CNTNAP5: variants seen among roughly 807,000 people sequenced by gnomAD.
The protein encoded by CNTNAP5 is contactin-associated protein-like 5.
Under a neutral mutation model 150.2 loss-of-function variants are expected in CNTNAP5, and 72 were observed. The observed-to-expected ratio is 0.48, with a 90% confidence interval of 0.40 to 0.58. CNTNAP5 has a LOEUF of 0.58. CNTNAP5 is among the 20% of genes least tolerant of loss of function. CNTNAP5 has a pLI of 0.00. For missense variants in CNTNAP5, 1,636 were observed against 1,626.2 expected (o/e 1.01, Z -0.10); for synonymous variants, 672 against 619.8 (o/e 1.08, Z -1.25).
At chr2:124,177,990 G>A (rs545374478) in intron 1 of CNTNAP5, among the ~76,000 whole-genome samples, 68 of 151,982 alleles carry the variant, frequency 4.5e-4, no homozygotes, top group Non-Finnish European at 7.2e-4. Flanking sequence ...GGGATTACAG[G>A]CACCCACAAC....
chr2:124,713,318 CCTTTCTT>C (rs1679868834), intron 13 of CNTNAP5, among the ~76,000 whole-genome samples: 27 of 43,962 alleles, frequency 6.1e-4, no homozygotes, highest in South Asian at 2.4e-3. Flanking sequence ...CTCTTTCTTT[CCTTTCTT>C]TCTTTCTTTC....
At chr2:124,159,477 C>T in intron 1 of CNTNAP5, among the ~76,000 whole-genome samples, 1 of 150,654 alleles carries the variant, frequency 6.6e-6, no homozygotes, top group South Asian at 2.1e-4. Context: ...CCAGATTTGG[C>T]CTGTGGGTCA....
At chr2:124,878,972 CA>C (rs1380291697) in intron 21 of CNTNAP5, among the ~76,000 whole-genome samples, 2 of 152,026 alleles carry the variant, frequency 1.3e-5, no homozygotes, top group Admixed American at 1.3e-4. Context: ...CATGAGCCAC[CA>C]CACCTGGCCA....
At chr2:124,080,248 T>G (rs1446456436) in intron 1 of CNTNAP5, among the ~76,000 whole-genome samples, 1 of 152,196 alleles carries the variant, frequency 6.6e-6, no homozygotes, top group Non-Finnish European at 1.5e-5. Flanking sequence ...ACTTAAACAA[T>G]GCAGGTCTTA....
At chr2:124,841,929 T>G (rs568176067) in intron 19 of CNTNAP5, among the ~76,000 whole-genome samples, 7 of 152,128 alleles carry the variant, frequency 4.6e-5, no homozygotes, top group African/African-American at 1.7e-4. Flanking sequence ...CATCTCTTTA[T>G]ACTGTCAGTA....
intron 8 of CNTNAP5, among the ~76,000 whole-genome samples, chr2:124,520,902 A>T: frequency 6.6e-6 from 1 of 152,184 alleles, no homozygotes. Context: ...TTTACCTTTA[A>T]GAGAGTATTT....
chr2:124,616,913 T>C (rs1449623206), intron 12 of CNTNAP5, among the ~76,000 whole-genome samples: 2 of 152,088 alleles, frequency 1.3e-5, no homozygotes, highest in Admixed American at 1.3e-4. Context: ...ATGGGTGCAG[T>C]TCATGATGCC....
chr2:124,834,591 G>A (rs548437558), intron 19 of CNTNAP5, among the ~76,000 whole-genome samples: 147 of 152,128 alleles, frequency 9.7e-4, no homozygotes, highest in African/African-American at 3.3e-3. Context: ...GACAGGGGCT[G>A]GTGTGGTGTG....
chr2:124,239,486 G>A (rs539501852), intron 2 of CNTNAP5, among the ~76,000 whole-genome samples: 1 of 152,196 alleles, frequency 6.6e-6, no homozygotes, highest in South Asian at 2.1e-4. Flanking sequence ...CTCCCAAATT[G>A]CTGTACATAT....
At chr2:124,029,949 G>A (rs1681000470) in intron 1 of CNTNAP5, among the ~76,000 whole-genome samples, 1 of 152,002 alleles carries the variant, frequency 6.6e-6, no homozygotes, top group African/African-American at 2.4e-5. Flanking sequence ...TCACTCAATA[G>A]GACTTTATTG....
intron 11 of CNTNAP5, among the ~76,000 whole-genome samples, chr2:124,582,632 T>C (rs1391434018): frequency 6.6e-6 from 1 of 152,136 alleles, no homozygotes; most frequent in African/African-American, 2.4e-5. Flanking sequence ...TCAGGCTCTG[T>C]GCACTGAGCT....
At chr2:124,064,537 C>T (rs1184750294) in intron 1 of CNTNAP5, among the ~76,000 whole-genome samples, 3 of 152,260 alleles carry the variant, frequency 2.0e-5, no homozygotes, top group East Asian at 1.9e-4. Flanking sequence ...AACTGGTCTC[C>T]TGCATCCATC....
At chr2:124,736,220 ACT>A (rs1361565617) in intron 13 of CNTNAP5, among the ~76,000 whole-genome samples, 4 of 152,102 alleles carry the variant, frequency 2.6e-5, no homozygotes, top group Admixed American at 1.3e-4. Context: ...ACAGAGAAAG[ACT>A]CTGTCTAAAC....
At position 124,726,087 on chromosome 2, in the gene CNTNAP5, A is replaced by C. The variant is rs569538337; in HGVS notation, c.2078-21142A>C. Among the ~76,000 whole-genome samples, 5 of 152,160 alleles carry C rather than the reference A, an allele frequency of 3.3e-5. No homozygotes were observed. The South Asian group carries it at 8.3e-4, about 25-fold the overall frequency. On this transcript the variant is annotated intron_variant, in intron 13 of 23. Coordinates refer to ENST00000682447, the MANE Select transcript of CNTNAP5 (RefSeq NM_001367498.1). ...ACAATACCAATTTACATTCCCACCA[A>C]GAGTGTACAAGTGTTCCATTTTCTC...
chr2:124,439,422 A>G (rs1692620118), intron 5 of CNTNAP5, among the ~76,000 whole-genome samples: 1 of 152,200 alleles, frequency 6.6e-6, no homozygotes, highest in Admixed American at 6.5e-5. Flanking sequence ...TATTAATTGG[A>G]AATAAAATAA....
chr2:124,892,497 CA>C (rs1678213741), intron 21 of CNTNAP5, among the ~76,000 whole-genome samples: 1 of 152,046 alleles, frequency 6.6e-6, no homozygotes, highest in East Asian at 1.9e-4. Context: ...AGAGACAAAA[CA>C]AGAAAGTATA....
chr2:124,437,725 A>G (rs1222954815), intron 5 of CNTNAP5, among the ~76,000 whole-genome samples: 1 of 152,106 alleles, frequency 6.6e-6, no homozygotes, highest in South Asian at 2.1e-4. Context: ...AACATCCATG[A>G]TCAGGATTGT....
At chr2:124,853,819 C>T (rs1009172875) in intron 19 of CNTNAP5, among the ~76,000 whole-genome samples, 5 of 152,146 alleles carry the variant, frequency 3.3e-5, no homozygotes, top group Non-Finnish European at 5.9e-5. Flanking sequence ...AACCTCCATC[C>T]TCACGTAGGC....
chr2:124,610,692 G>A (rs913037624), intron 12 of CNTNAP5, among the ~76,000 whole-genome samples: 3 of 151,934 alleles, frequency 2.0e-5, no homozygotes, highest in African/African-American at 7.3e-5. Flanking sequence ...CAGGTGCGAT[G>A]GCTCACGCCT....
Sources: gnomAD v4.1 joint callset for allele counts (sites outside exome capture counted in the v4.1 genomes callset) on GRCh38, gnomAD v4.1.1 for gene constraint, MANE v1.5 for transcripts, NCBI Gene and HGNC (gene_info 2026-07-23, HGNC 2026-07-21) for gene names.